Variants in CCDC170 observed in about 807,000 individuals in gnomAD.
The protein encoded by CCDC170 is coiled-coil domain containing 170.
CCDC170 carries 69 observed loss-of-function variants against 72.6 expected under a neutral mutation model. The ratio of observed to expected loss-of-function variants is 0.95; its 90% CI spans 0.78 to 1.16. The LOEUF (loss-of-function observed/expected upper bound fraction) is 1.16, where lower values mean the gene tolerates loss of function less well. Ranked by LOEUF, CCDC170 falls within the 50% of genes most tolerant of loss-of-function variation. The probability of loss-of-function intolerance (pLI) is 0.00; values close to 1 mark genes in which losing one functional copy is unlikely to be tolerated. For synonymous variants in CCDC170, 300 were observed against 303.9 expected, an observed-to-expected ratio of 0.99 and a Z score of 0.13; for missense variants, 852 against 832.5, an observed-to-expected ratio of 1.02 and a Z score of -0.29.
intron 1 of CCDC170, among the ~76,000 whole-genome samples, chr6:151,508,015 AGTTGTTTGCTC>A (rs1265701292): frequency 6.6e-6 from 1 of 152,190 alleles, no homozygotes; most frequent in Admixed American, 6.5e-5. Flanking sequence ...TCAGTCTTAA[AGTTGTTTGCTC>A]CTCTTCCTAT....
At position 151,585,336 on chromosome 6, in the gene CCDC170, T is replaced by C. The variant is rs118053826; in HGVS notation, c.1093-553T>C. On this transcript the variant is annotated intron_variant, in intron 6 of 10. Transcript: ENST00000239374. Reference sequence around the variant, plus strand: ...TGCAAAAATGGTATTACTCTATAACTATGTAGTGTAGAGTCAGCATCCCTG... The same window carrying C: ...TGCAAAAATGGTATTACTCTATAACCATGTAGTGTAGAGTCAGCATCCCTG... Among the ~76,000 whole-genome samples the C allele has an allele frequency of 4.8e-3, 729 of 152,298 alleles. 4 individuals carry two copies. The highest frequency in any genetic ancestry group is 0.02 in the Middle Eastern group (6 of 294).
At chr6:151,615,837 T>C (rs1776958178) in intron 10 of CCDC170, 158 bp downstream of exon 10, 10 of 633,026 alleles carry the variant, frequency 1.6e-5, no homozygotes, top group Non-Finnish European at 2.8e-5. Flanking sequence ...TAATTTTCTC[T>C]GTATCGTTCC....
At chr6:151,502,258 C>A (rs557737300) in intron 1 of CCDC170, among the ~76,000 whole-genome samples, 2 of 152,118 alleles carry the variant, frequency 1.3e-5, no homozygotes, top group South Asian at 4.2e-4. Context: ...GTGTGCAGAG[C>A]AAGACTTTGA....
At chr6:151,524,484 T>G (rs1782372342) in intron 1 of CCDC170, among the ~76,000 whole-genome samples, 2 of 152,370 alleles carry the variant, frequency 1.3e-5, no homozygotes, top group South Asian at 4.1e-4. Flanking sequence ...TCTTGAAGGC[T>G]GCAATATATG....
intron 1 of CCDC170, among the ~76,000 whole-genome samples, chr6:151,496,168 ATT>A (rs1781909404): frequency 1.3e-5 from 2 of 151,974 alleles, no homozygotes; most frequent in Non-Finnish European, 2.9e-5. Flanking sequence ...TCGTGATTAG[ATT>A]TTTGGGTAGG....
chr6:151,557,464 A>G (rs903914281), intron 5 of CCDC170, among the ~76,000 whole-genome samples: 4 of 151,902 alleles, frequency 2.6e-5, no homozygotes, highest in East Asian at 1.9e-4. Flanking sequence ...TTGATTCCGT[A>G]TATTTGCTAT....
At chr6:151,577,917 G>T (rs1194103264) in intron 6 of CCDC170, among the ~76,000 whole-genome samples, 1 of 152,142 alleles carries the variant, frequency 6.6e-6, no homozygotes, top group Non-Finnish European at 1.5e-5. Flanking sequence ...CACAAAAATT[G>T]TCATCCACGA....
intron 6 of CCDC170, among the ~76,000 whole-genome samples, chr6:151,578,972 GCATT>G (rs1243252051): frequency 6.6e-6 from 1 of 151,922 alleles, no homozygotes; most frequent in Non-Finnish European, 1.5e-5. Flanking sequence ...ATCTTTTAGG[GCATT>G]ATGACTTTAC....
intron 7 of CCDC170, among the ~76,000 whole-genome samples, chr6:151,588,309 AAACAAAC>A (rs903323403): frequency 1.0e-3 from 2 of 1,934 alleles, no homozygotes; most frequent in African/African-American, 6.7e-3. Context: ...AAGCTAAAAC[AAACAAAC>A]AACAACAAAA....
chr6:151,545,621 T>G (rs1343551341), intron 4 of CCDC170, among the ~76,000 whole-genome samples: 2 of 151,328 alleles, frequency 1.3e-5, no homozygotes, highest in African/African-American at 2.4e-5. Flanking sequence ...TTTGTTGTTG[T>G]TTTTTTTTTT....
At chr6:151,505,210 C>T (rs1782049913) in intron 1 of CCDC170, among the ~76,000 whole-genome samples, 1 of 152,102 alleles carries the variant, frequency 6.6e-6, no homozygotes, top group Non-Finnish European at 1.5e-5. Flanking sequence ...CAGTGGCCTG[C>T]ATACTAGGAA....
At chr6:151,595,114 C>A (rs935204157) in intron 8 of CCDC170, among the ~76,000 whole-genome samples, 2 of 152,178 alleles carry the variant, frequency 1.3e-5, no homozygotes, top group African/African-American at 4.8e-5. Context: ...TACCACTTTA[C>A]AAGTGCAGAG....
In CCDC170 at chr6:151,494,115, G is replaced by T; in HGVS notation, c.-14G>T. On this transcript the variant is annotated 5_prime_UTR_variant, in exon 1 of 11. Coordinates refer to ENST00000239374, the MANE Select transcript of CCDC170 (RefSeq NM_025059.4). Reference sequence around the variant, plus strand: ...CGGTTCCGGGTCCGAGCGCGCCCCCGGGCTCGGGTCGTCATGAGCCTGGAC... The same window carrying T: ...CGGTTCCGGGTCCGAGCGCGCCCCCTGGCTCGGGTCGTCATGAGCCTGGAC... 1 of 1,496,410 alleles carries T rather than the reference G, an allele frequency of 6.7e-7. No individual in the cohort carries two copies. The allele number at this position is 1,496,410 out of a possible 1,614,324, so 92.7% of individuals were successfully genotyped here.
At position 151,494,264 on chromosome 6, in the gene CCDC170, T is replaced by G. The variant is rs1234995541; in HGVS notation, c.57+79T>G. 3 of 1,363,904 alleles carry G rather than the reference T, an allele frequency of 2.2e-6. No homozygotes were observed. The African/African-American group carries it at 4.5e-5, about 21-fold the overall frequency. The allele number at this position is 1,363,904 out of a possible 1,614,324, so 84.5% of individuals were successfully genotyped here. Reference sequence around the variant, plus strand: ...CAGGAGGGGCCGAGGCGCCCCTGATTTGCACCCTTTTCCTCCCGGAGGCGT... The same window carrying G: ...CAGGAGGGGCCGAGGCGCCCCTGATGTGCACCCTTTTCCTCCCGGAGGCGT... On this transcript the variant is annotated intron_variant, in intron 1 of 10. Transcript: ENST00000239374.
At chr6:151,514,608 G>A (rs1206502640) in intron 1 of CCDC170, among the ~76,000 whole-genome samples, 1 of 152,144 alleles carries the variant, frequency 6.6e-6, no homozygotes, top group Non-Finnish European at 1.5e-5. Flanking sequence ...TAGATATTGG[G>A]CATTGAGGCA....
At chr6:151,524,544 T>A (rs1782372906) in intron 1 of CCDC170, among the ~76,000 whole-genome samples, 1 of 152,242 alleles carries the variant, frequency 6.6e-6, no homozygotes, top group Non-Finnish European at 1.5e-5. Flanking sequence ...TTTTAAAACA[T>A]GCTTCCAGTT....
Position 151,605,581 on chromosome 6 carries a change from C to T in CCDC170, c.1710+9004C>T, listed in dbSNP as rs111354761. Among the ~76,000 whole-genome samples the T allele has an allele frequency of 5.1e-3, 775 of 152,248 alleles. 7 individuals are homozygous for T. Among genetic ancestry groups the T allele is most frequent in the African/African-American group, 0.017 (717 of 41,542 alleles). Reference sequence around the variant, plus strand: ...GTTGAGGCAGAAACTGTCCTCTTACCAGGGAACTTAAGATGTTGGGGAAGT... The same window carrying T: ...GTTGAGGCAGAAACTGTCCTCTTACTAGGGAACTTAAGATGTTGGGGAAGT... On this transcript the variant is annotated intron_variant, in intron 9 of 10. Coordinates refer to ENST00000239374, the MANE Select transcript of CCDC170 (RefSeq NM_025059.4).
intron 9 of CCDC170, among the ~76,000 whole-genome samples, chr6:151,613,191 G>A (rs774473887): frequency 1.2e-4 from 19 of 152,132 alleles, no homozygotes; most frequent in Admixed American, 2.6e-4. Flanking sequence ...ATCACTTGAG[G>A]CCAGGGGTCC....
At chr6:151,535,462 T>C (rs1016816194) in intron 1 of CCDC170, among the ~76,000 whole-genome samples, 1 of 152,214 alleles carries the variant, frequency 6.6e-6, no homozygotes, top group Non-Finnish European at 1.5e-5. Context: ...ATGATGGTTA[T>C]GAGGTTATGA....
Sources: allele counts gnomAD v4.1 joint callset (sites outside exome capture counted in the v4.1 genomes callset), GRCh38; gene constraint gnomAD v4.1.1; transcripts MANE v1.5; gene names NCBI Gene and HGNC (gene_info 2026-07-23, HGNC 2026-07-21).